Variants in GALNT8 observed in about 807,000 individuals in gnomAD.
GALNT8 encodes probable polypeptide N-acetylgalactosaminyltransferase 8.
Under a neutral mutation model 62.7 loss-of-function variants are expected in GALNT8, and 66 were observed. The ratio of observed to expected loss-of-function variants is 1.05; its 90% CI spans 0.86 to 1.29. The LOEUF (loss-of-function observed/expected upper bound fraction) is 1.29, where lower values mean the gene tolerates loss of function less well. Ranked by LOEUF, GALNT8 falls within the 50% of genes most tolerant of loss-of-function variation. The pLI, the probability that GALNT8 is intolerant of heterozygous loss-of-function variation, is 0.00. For synonymous variants in GALNT8, 288 were observed against 294.3 expected, an observed-to-expected ratio of 0.98 and a Z score of 0.22; for missense variants, 771 against 791.8, an observed-to-expected ratio of 0.97 and a Z score of 0.32.
At chr12:4,737,928 T>G (rs2137526514) in intron 2 of GALNT8, among the ~76,000 whole-genome samples, 1 of 152,310 alleles carries the variant, frequency 6.6e-6, no homozygotes, top group Non-Finnish European at 1.5e-5. Flanking sequence ...CAGGAGCCAA[T>G]AAGTTTCTAT....
chr12:4,746,293 C>G (rs757602367), intron 6 of GALNT8, 35 bp downstream of exon 6: 1 of 1,140,042 alleles, frequency 8.8e-7, no homozygotes, highest in Non-Finnish European at 1.3e-6. Context: ...TGGGACAAAG[C>G]AGAAAGGGGA....
intron 6 of GALNT8, among the ~76,000 whole-genome samples, chr12:4,753,221 A>G (rs1487482159): frequency 6.6e-6 from 1 of 151,524 alleles, no homozygotes; most frequent in East Asian, 1.9e-4. Context: ...AGGTTTGGGA[A>G]GTTCTGTGTT....
At chr12:4,729,707 T>C (rs1352959486) in intron 2 of GALNT8, among the ~76,000 whole-genome samples, 2 of 152,174 alleles carry the variant, frequency 1.3e-5, no homozygotes, top group African/African-American at 2.4e-5. Context: ...GTGCAGTCTC[T>C]CTTCAATATA....
chr12:4,764,768 G>C (rs11063331), intron 9 of GALNT8, among the ~76,000 whole-genome samples: 1 of 149,510 alleles, frequency 6.7e-6, no homozygotes, highest in South Asian at 2.1e-4. Flanking sequence ...TAGCCAGGAT[G>C]GTCTCGATCT....
chr12:4,737,868 C>G (rs1370643116), intron 2 of GALNT8, among the ~76,000 whole-genome samples: 1 of 152,128 alleles, frequency 6.6e-6, no homozygotes, highest in Non-Finnish European at 1.5e-5. Context: ...AGCATGAAGC[C>G]CCTCACCAGA....
chr12:4,756,174 G>A (rs1946343959), intron 6 of GALNT8, among the ~76,000 whole-genome samples: 1 of 152,152 alleles, frequency 6.6e-6, no homozygotes, highest in Admixed American at 6.5e-5. Flanking sequence ...TTACCTTTTT[G>A]GTGTAATCTA....
At chr12:4,741,845 G>T (rs572961602) in intron 3 of GALNT8, among the ~76,000 whole-genome samples, 2 of 152,314 alleles carry the variant, frequency 1.3e-5, no homozygotes, top group Admixed American at 6.5e-5. Flanking sequence ...CAGAAAAGGG[G>T]ACTGTCAGCC....
At chr12:4,772,415 C>T in intron 10 of GALNT8, 30 bp from the exon 11 acceptor site, 1 of 1,604,328 alleles carries the variant, frequency 6.2e-7, no homozygotes, top group Non-Finnish European at 8.5e-7. Context: ...GGCATTTCAG[C>T]ACCTTGGCTC....
intron 3 of GALNT8, among the ~76,000 whole-genome samples, chr12:4,740,014 G>C (rs113376441): frequency 0.013 from 2,042 of 152,236 alleles, 43 homozygotes; most frequent in African/African-American, 0.047. Context: ...GGCTGAAGCA[G>C]AGTCTAGAGA....
At chr12:4,752,598 G>A (rs1438387463) in intron 6 of GALNT8, among the ~76,000 whole-genome samples, 2 of 147,406 alleles carry the variant, frequency 1.4e-5, no homozygotes. Context: ...TTAACTTTTT[G>A]TTGTTTCTAT....
chr12:4,740,611 A>G (rs1369226736), intron 3 of GALNT8, among the ~76,000 whole-genome samples: 1 of 152,034 alleles, frequency 6.6e-6, no homozygotes, highest in Non-Finnish European at 1.5e-5. Flanking sequence ...TTTAGTAGAG[A>G]TGGGGTTTCA....
At chr12:4,751,704 T>A (rs1803890857) in intron 6 of GALNT8, among the ~76,000 whole-genome samples, 1 of 152,196 alleles carries the variant, frequency 6.6e-6, no homozygotes, top group African/African-American at 2.4e-5. Context: ...ATGATCCATG[T>A]GCTGAGGAGA....
intron 6 of GALNT8, among the ~76,000 whole-genome samples, chr12:4,758,172 C>G (rs1946353620): frequency 2.0e-5 from 3 of 152,054 alleles, no homozygotes; most frequent in South Asian, 4.1e-4. Flanking sequence ...TGCCCATATC[C>G]AGCTTCTTGG....
chr12:4,763,417 A>T (rs764244701), intron 8 of GALNT8, 27 bp downstream of exon 8: 1 of 1,591,472 alleles, frequency 6.3e-7, no homozygotes, highest in East Asian at 2.2e-5. Context: ...TGCACTTTGG[A>T]TTTTAAATGT....
At chr12:4,741,755 A>C (rs1162918455) in intron 3 of GALNT8, among the ~76,000 whole-genome samples, 2 of 152,060 alleles carry the variant, frequency 1.3e-5, no homozygotes, top group East Asian at 3.9e-4. Context: ...TCTAAGCTGC[A>C]CTCCATTGTA....
At chr12:4,758,633 T>TGAGA (rs1555070216) in intron 6 of GALNT8, among the ~76,000 whole-genome samples, 22 of 79,902 alleles carry the variant, frequency 2.8e-4, no homozygotes, top group Non-Finnish European at 4.9e-4. Context: ...TGTGTGTGTG[T>TGAGA]GTGTGAGAGA....
chr12:4,731,349 A>G (rs1288515591), intron 2 of GALNT8, among the ~76,000 whole-genome samples: 1 of 152,186 alleles, frequency 6.6e-6, no homozygotes, highest in Non-Finnish European at 1.5e-5. Flanking sequence ...TGATTTTGCA[A>G]CTTTACTGAA....
chr12:4,729,490 T>G (rs553433831), intron 2 of GALNT8, among the ~76,000 whole-genome samples: 25 of 152,296 alleles, frequency 1.6e-4, no homozygotes, highest in African/African-American at 5.5e-4. Context: ...TTCTGTGAAT[T>G]CAACTTTTTC....
Position 4,733,348 on chromosome 12 carries a change from T to G in GALNT8, c.510-5815T>G, listed in dbSNP as rs765993304. 2.0e-5 allele frequency among the ~76,000 whole-genome samples: 3 copies of G among 152,310 alleles called. No homozygotes were observed. In the Middle Eastern group the frequency reaches 0.01, roughly 518 times the overall value. On this transcript the variant is annotated intron_variant, in intron 2 of 10. Transcript: ENST00000252318. ...AGGGAGGAGGGAGAGATTATTCTTTTGGAACCACGGGAGGCACATTTCCTA... is the reference window on the plus strand; with the variant it reads ...AGGGAGGAGGGAGAGATTATTCTTTGGGAACCACGGGAGGCACATTTCCTA...
Sources: allele counts gnomAD v4.1 joint callset (sites outside exome capture counted in the v4.1 genomes callset), GRCh38; gene constraint gnomAD v4.1.1; transcripts MANE v1.5; gene names NCBI Gene and HGNC (gene_info 2026-07-23, HGNC 2026-07-21).